The following RAB39A variants were observed in gnomAD, a reference collection of about 807,000 sequenced individuals.
The protein encoded by RAB39A is ras-related protein Rab-39A.
In RAB39A, 17 loss-of-function variants were observed where a neutral mutation model predicts 20.9. The ratio of observed to expected loss-of-function variants is 0.81; its 90% confidence interval spans 0.56 to 1.22. The LOEUF is 1.22. Among genes scored for constraint, RAB39A ranks in the 50% most tolerant of loss-of-function variants. RAB39A has a pLI of 0.00. For missense variants in RAB39A, 234 were observed against 270.5 expected (o/e 0.87, Z 0.95); for synonymous variants, 99 against 103.4 (o/e 0.96, Z 0.26).
intron 1 of RAB39A, among the ~76,000 whole-genome samples, chr11:107,947,807 CAA>C (rs35694249): frequency 0.011 from 891 of 80,170 alleles, 4 homozygotes; most frequent in African/African-American, 0.043. Context: ...CATCAACAGG[CAA>C]AAAAAAAAAA....
intron 1 of RAB39A, among the ~76,000 whole-genome samples, chr11:107,950,545 T>C (rs573423967): frequency 3.9e-5 from 6 of 152,210 alleles, no homozygotes; most frequent in African/African-American, 1.4e-4. Flanking sequence ...GGTGGGCAGA[T>C]CACTTGAGCT....
chr11:107,957,944 T>C (rs1470321509), intron 1 of RAB39A, among the ~76,000 whole-genome samples: 1 of 151,542 alleles, frequency 6.6e-6, no homozygotes, highest in Non-Finnish European at 1.5e-5. Context: ...CAGGCTGGAG[T>C]GCAATGGTGT....
chr11:107,928,622 C>T lies in RAB39A; in HGVS notation c.54C>T (p.Thr18=), dbSNP rs371178841. The change falls in exon 1 of 2, where the codon ACC becomes ACT. Residue 18 remains threonine (T), a synonymous_variant. Coordinates refer to ENST00000320578, the MANE Select transcript of RAB39A (RefSeq NM_017516.3). This position sits in a 1 kb window ranked among gnomAD's most constrained non-coding sequence, Gnocchi z 4.9. ...GCCTCATCGTGATCGGGGACTCCACCGTGGGCAAGTCCTGCCTCCTGCACC... is the reference window on the plus strand; with the variant it reads ...GCCTCATCGTGATCGGGGACTCCACTGTGGGCAAGTCCTGCCTCCTGCACC... ...QFRLIVIGDS[T]VGKSCLLHRF... is the part of the protein sequence containing the mutation. 4 of 1,603,474 alleles carry T rather than the reference C, an allele frequency of 2.5e-6. No individual in the cohort carries two copies. The highest frequency in any genetic ancestry group is 2.2e-5 in the South Asian group (2 of 90,258).
intron 1 of RAB39A, among the ~76,000 whole-genome samples, chr11:107,959,225 G>T (rs1175699962): frequency 6.6e-6 from 1 of 152,134 alleles, no homozygotes; most frequent in Non-Finnish European, 1.5e-5. Flanking sequence ...GCCACAAAAG[G>T]CATTTTTAAA....
intron 1 of RAB39A, among the ~76,000 whole-genome samples, chr11:107,947,807 CAAAAAAA>C (rs35694249): frequency 3.0e-4 from 24 of 80,222 alleles, no homozygotes; most frequent in Admixed American, 7.7e-4. Context: ...CATCAACAGG[CAAAAAAA>C]AAAAAAAAAA....
intron 1 of RAB39A, among the ~76,000 whole-genome samples, chr11:107,955,451 C>T (rs1228664115): frequency 2.0e-5 from 3 of 152,122 alleles, no homozygotes; most frequent in Admixed American, 6.6e-5. Flanking sequence ...GTAGCTTGGA[C>T]CAGCCGAAGG....
Position 107,938,116 on chromosome 11 carries a change from A to C in RAB39A, c.227+9321A>C, listed in dbSNP as rs10400262. ...GGTGGCTCACGCCTGTAATCCCAGC[A>C]CTTTGGGAGGCCGAGCCGGGCGGAT... On this transcript the variant is annotated intron_variant, in intron 1 of 1. Transcript: ENST00000320578. Among the ~76,000 whole-genome samples the C allele has an allele frequency of 6.3e-3, 954 of 152,040 alleles. 7 individuals are homozygous for C. Among genetic ancestry groups the C allele is most frequent in the African/African-American group, 0.021 (852 of 41,486 alleles).
chr11:107,946,125 T>A (rs967973579), intron 1 of RAB39A, among the ~76,000 whole-genome samples: 3 of 151,126 alleles, frequency 2.0e-5, no homozygotes, highest in African/African-American at 7.3e-5. Context: ...TCAAGAAATA[T>A]TAGGAAATTT....
At chr11:107,950,782 G>T (rs74897923) in intron 1 of RAB39A, among the ~76,000 whole-genome samples, 4 of 124,894 alleles carry the variant, frequency 3.2e-5, no homozygotes, top group Non-Finnish European at 5.3e-5. Context: ...AAAAAAAAAA[G>T]ACAAAATCCT....
At chr11:107,938,719 G>C (rs912168759) in intron 1 of RAB39A, among the ~76,000 whole-genome samples, 4 of 147,158 alleles carry the variant, frequency 2.7e-5, no homozygotes, top group African/African-American at 1.0e-4. Context: ...CTGGGCAACA[G>C]AGAGAGGCCC....
chr11:107,957,203 C>A (rs985866139), intron 1 of RAB39A, among the ~76,000 whole-genome samples: 3 of 152,128 alleles, frequency 2.0e-5, no homozygotes, highest in African/African-American at 7.2e-5. Context: ...AATCAGTAAG[C>A]AGAATGACAG....
At chr11:107,945,474 C>A (rs536049446) in intron 1 of RAB39A, among the ~76,000 whole-genome samples, 1 of 151,752 alleles carries the variant, frequency 6.6e-6, no homozygotes, top group Non-Finnish European at 1.5e-5. Flanking sequence ...CAGGTAGGAG[C>A]CAAGAGCAAC....
In RAB39A at chr11:107,944,249, A is replaced by G. The variant is rs1861287727; in HGVS notation, c.227+15454A>G. Among the ~76,000 whole-genome samples the G allele has an allele frequency of 2.0e-5, 3 of 152,256 alleles. No homozygotes were observed. In the South Asian group the frequency reaches 6.2e-4, roughly 32 times the overall value. The stretch of plus-strand genomic sequence containing the variant: ...GGAAGCATGGGCAATTGACTTCTTC[A>G]TGTAGATGAATGTCAGACTGCACAC... On this transcript the variant is annotated intron_variant, in intron 1 of 1. Coordinates refer to ENST00000320578, the MANE Select transcript of RAB39A (RefSeq NM_017516.3).
chr11:107,948,905 G>A (rs900374365), intron 1 of RAB39A, among the ~76,000 whole-genome samples: 2 of 152,232 alleles, frequency 1.3e-5, no homozygotes, highest in Admixed American at 6.5e-5. Flanking sequence ...CCTGGAGTAC[G>A]CTATGACTTT....
intron 1 of RAB39A, among the ~76,000 whole-genome samples, chr11:107,953,857 G>A (rs1351799797): frequency 6.6e-6 from 1 of 152,076 alleles, no homozygotes; most frequent in Non-Finnish European, 1.5e-5. Context: ...CCTGGAAATG[G>A]GCACACCTAC....
intron 1 of RAB39A, among the ~76,000 whole-genome samples, chr11:107,938,520 AGGAGTTC>A (rs1235870204): frequency 6.7e-6 from 1 of 148,404 alleles, no homozygotes; most frequent in Non-Finnish European, 1.5e-5. Flanking sequence ...TCTTGAGCCC[AGGAGTTC>A]GAGACCAGTC....
At chr11:107,939,834 C>G (rs1421371855) in intron 1 of RAB39A, among the ~76,000 whole-genome samples, 1 of 152,080 alleles carries the variant, frequency 6.6e-6, no homozygotes, top group South Asian at 2.1e-4. Context: ...TATTCTGACT[C>G]ACTGGCTTCA....
chr11:107,933,467 C>T (rs1457187326), intron 1 of RAB39A, among the ~76,000 whole-genome samples: 1 of 147,826 alleles, frequency 6.8e-6, no homozygotes, highest in Admixed American at 6.8e-5. Context: ...GCAACCCCCA[C>T]CTCCCAGGTT....
intron 1 of RAB39A, among the ~76,000 whole-genome samples, chr11:107,946,573 C>T (rs1384304372): frequency 1.4e-5 from 2 of 141,484 alleles, no homozygotes; most frequent in Non-Finnish European, 1.5e-5. Flanking sequence ...CCCGGGTTCA[C>T]GCCATTCTCC....
Sources: gnomAD v4.1 joint callset for allele counts (sites outside exome capture counted in the v4.1 genomes callset) on GRCh38, gnomAD v4.1.1 for gene constraint, Gnocchi (gnomAD v3.1) non-coding constraint, MANE v1.5 for transcripts, NCBI Gene and HGNC (gene_info 2026-07-23, HGNC 2026-07-21) for gene names.